EN1: variants seen among roughly 807,000 people sequenced by gnomAD.
EN1 encodes engrailed homeobox 1.
Under a neutral mutation model 22.9 loss-of-function variants are expected in EN1, and 8 were observed. That is an observed-to-expected ratio of 0.35 (90% CI 0.20 to 0.63). The LOEUF is 0.63. Among genes scored for constraint, EN1 ranks in the 20% least tolerant of loss-of-function variants. The probability of loss-of-function intolerance (pLI) is 0.73; values close to 1 mark genes in which losing one functional copy is unlikely to be tolerated. For missense variants in EN1, 521 were observed against 572.1 expected, an observed-to-expected ratio of 0.91 and a Z score of 0.91; for synonymous variants, 287 against 262.5, an observed-to-expected ratio of 1.09 and a Z score of -0.90.
chr2:118,846,684 G>A lies in EN1; in HGVS notation c.484C>T (p.Arg162Trp). 1.9e-6 allele frequency: 3 copies of A among 1,582,810 alleles called. No individual in the cohort carries two copies. The highest frequency in any genetic ancestry group is 2.6e-6 in the Non-Finnish European group (3 of 1,173,244). The stretch of plus-strand genomic sequence containing the variant: ...AGGAGCGAGGCAGCGCCTGGCGCCC[G>A]GGTGCCCAACGGGTGGACAGGGTCT... ...GRDPVHPLGT[R>W]APGAASLLCA... Residue 162 changes from arginine (R) to tryptophan (W), a missense_variant, in exon 1 of 2, where the codon CGG becomes TGG. Physicochemically the swap from Arg to Trp is moderately radical, Grantham distance 101. Coordinates refer to ENST00000295206, the MANE Select transcript of EN1 (RefSeq NM_001426.4). The surrounding 1 kb of genome is among the most constrained non-coding windows in gnomAD (Gnocchi z 5.0).
rs1462529040 is a variant in EN1 at position 118,847,203 on chromosome 2, C to A, written c.-36G>T. The A allele has an allele frequency of 1.6e-6, 1 of 639,296 alleles. No individual in the cohort carries two copies. The highest frequency in any genetic ancestry group is 2.4e-6 in the Non-Finnish European group (1 of 424,492). 39.6% of individuals were successfully genotyped at this position (639,296 alleles called of 1,614,324 possible). A position where few individuals can be genotyped will look rare whatever the true frequency, so the allele number is the denominator to read the frequency against. ...CCCGCCGCCCCGGCCGCCGCGCCGG[C>A]CCCCGCCCCCACCGCCTCGCTCCCC... On this transcript the variant is annotated 5_prime_UTR_variant, in exon 1 of 2. Coordinates refer to ENST00000295206, the MANE Select transcript of EN1 (RefSeq NM_001426.4).
At chr2:118,843,568 G>C (rs1215713626) in intron 1 of EN1, among the ~76,000 whole-genome samples, 1 of 152,212 alleles carries the variant, frequency 6.6e-6, no homozygotes, top group East Asian at 1.9e-4. Flanking sequence ...GTCAGGGACA[G>C]ACCGAAATCA....
Position 118,846,623 on chromosome 2 carries a change from C to T in EN1, c.545G>A (p.Gly182Asp). The change falls in exon 1 of 2, where the codon GGC becomes GAC. Residue 182 changes from glycine to aspartate, a missense_variant. By Grantham distance (94) the Gly-to-Asp change is moderately conservative. Transcript: ENST00000295206. This position sits in a 1 kb window ranked among gnomAD's most constrained non-coding sequence, Gnocchi z 5.0. The stretch of plus-strand genomic sequence containing the variant: ...CGCGCCGGCGGCGGCTGGCTGGGAG[C>T]CGTCGGGTGGGCCACAGTTCGCGTC... ...APDANCGPPD[G>D]SQPAAAGAGA... is the part of the protein sequence containing the mutation. 3.4e-6 allele frequency: 5 copies of T among 1,470,242 alleles called. No individual in the cohort carries two copies. The highest frequency in any genetic ancestry group is 4.5e-6 in the Non-Finnish European group (5 of 1,115,698). The allele number at this position is 1,470,242 out of a possible 1,614,324, so 91.1% of individuals were successfully genotyped here.
In EN1 at chr2:118,846,826, G is replaced by A; in HGVS notation, c.342C>T (p.Asp114=). 1 of 1,595,144 alleles carries A rather than the reference G, an allele frequency of 6.3e-7. No individual in the cohort carries two copies. The highest frequency in any genetic ancestry group is 1.7e-4 in the Middle Eastern group (1 of 6,036). ...NFFIDNILRP[D]FGCKKEQPPP... is the part of the protein sequence containing the mutation. ...GCGGCTGCTCCTTTTTGCAGCCGAA[G>A]TCCGGCCTCAGGATGTTGTCGATGA... The change falls in exon 1 of 2, where the codon GAC becomes GAT. Residue 114 remains aspartate (D), a synonymous_variant. Transcript: ENST00000295206. The surrounding 1 kb of genome is among the most constrained non-coding windows in gnomAD (Gnocchi z 5.0).
intron 1 of EN1, among the ~76,000 whole-genome samples, chr2:118,845,670 AC>A (rs1368246043): frequency 6.6e-6 from 1 of 152,054 alleles, no homozygotes; most frequent in Admixed American, 6.5e-5. Flanking sequence ...GCCAGCACCC[AC>A]CTTTTTGGCA....
At position 118,842,754 on chromosome 2, in the gene EN1, C is replaced by T. The variant is rs1386742465; in HGVS notation, c.*184G>A. 12 of 1,074,790 alleles carry T rather than the reference C, an allele frequency of 1.1e-5. No homozygotes were observed. The highest frequency in any genetic ancestry group is 1.4e-5 in the Non-Finnish European group (11 of 777,452). 66.6% of individuals were successfully genotyped at this position (1,074,790 alleles called of 1,614,324 possible). On this transcript the variant is annotated 3_prime_UTR_variant, in exon 2 of 2. Coordinates refer to ENST00000295206, the MANE Select transcript of EN1 (RefSeq NM_001426.4). Reference sequence around the variant, plus strand: ...CGATAGCACCTGTCCGAGTCTTTCTCCCTTTTCAAAAATGCTGCGTTTCAA... The same window carrying T: ...CGATAGCACCTGTCCGAGTCTTTCTTCCTTTTCAAAAATGCTGCGTTTCAA...
chr2:118,844,790 C>T (rs530200264), intron 1 of EN1, among the ~76,000 whole-genome samples: 12 of 152,232 alleles, frequency 7.9e-5, no homozygotes, highest in African/African-American at 2.9e-4. Context: ...CCCTCCTCCC[C>T]CAACTGCCCA....
chr2:118,847,209 C>G lies in EN1; in HGVS notation c.-42G>C. 1 of 596,828 alleles carries G rather than the reference C, an allele frequency of 1.7e-6. No homozygotes were observed. The highest frequency in any genetic ancestry group is 2.6e-6 in the Non-Finnish European group (1 of 386,024). 37.0% of individuals were successfully genotyped at this position (596,828 alleles called of 1,614,324 possible). A position where few individuals can be genotyped will look rare whatever the true frequency, so the allele number is the denominator to read the frequency against. ...GCCCCGGCCGCCGCGCCGGCCCCCG[C>G]CCCCACCGCCTCGCTCCCCACCCCA... On this transcript the variant is annotated 5_prime_UTR_variant, in exon 1 of 2. Transcript: ENST00000295206.
At position 118,846,488 on chromosome 2, in the gene EN1, C is replaced by T; in HGVS notation, c.680G>A (p.Gly227Asp). ...AAKPSDTGGG[G>D]SGGGAGSPGA... Reference sequence around the variant, plus strand: ...GGGGCTCCCCGCGCCGCCTCCACTGCCGCCGCCACCGGTGTCCGAGGGCTT... The same window carrying T: ...GGGGCTCCCCGCGCCGCCTCCACTGTCGCCGCCACCGGTGTCCGAGGGCTT... Residue 227 changes from glycine to aspartate, a missense_variant, in exon 1 of 2, where the codon GGC becomes GAC. Around this residue, in one of 3 missense-constraint regions of EN1, gnomAD observed 436 missense variants for 410.1 expected, o/e 1.06. Coordinates refer to ENST00000295206, the MANE Select transcript of EN1 (RefSeq NM_001426.4). The surrounding 1 kb of genome is among the most constrained non-coding windows in gnomAD (Gnocchi z 5.0). 6.3e-7 allele frequency: 1 copy of T among 1,580,444 alleles called. No individual in the cohort carries two copies. Among genetic ancestry groups the T allele is most frequent in the Non-Finnish European group, 8.6e-7 (1 of 1,166,034 alleles).
At chr2:118,845,516 C>A (rs1374022089) in intron 1 of EN1, among the ~76,000 whole-genome samples, 1 of 152,170 alleles carries the variant, frequency 6.6e-6, no homozygotes, top group Non-Finnish European at 1.5e-5. Flanking sequence ...AAGGAAAGCG[C>A]CGCGCGGGGA....
Position 118,846,996 on chromosome 2 carries a change from A to AG in EN1, c.171dup (p.Ser58LeufsTer88). ...GGCAGGCAAGGCGCCGCGGGCGGCG[A>AG]GGGGGGCGCAGGCTGCGGGGACACC... On this transcript the variant is annotated frameshift_variant, in exon 1 of 2. Coordinates refer to ENST00000295206, the MANE Select transcript of EN1 (RefSeq NM_001426.4). LOFTEE classifies it high-confidence loss of function. This position sits in a 1 kb window ranked among gnomAD's most constrained non-coding sequence, Gnocchi z 5.0. 7.4e-7 allele frequency: 1 copy of AG among 1,342,538 alleles called. No homozygotes were observed. Among genetic ancestry groups the AG allele is most frequent in the African/African-American group, 1.6e-5 (1 of 62,322 alleles). 83.2% of individuals were successfully genotyped at this position (1,342,538 alleles called of 1,614,324 possible). A position where few individuals can be genotyped will look rare whatever the true frequency, so the allele number is the denominator to read the frequency against.
In EN1 at chr2:118,842,297, G is replaced by A. The variant is rs1678200433; in HGVS notation, c.*641C>T. Reference sequence around the variant, plus strand: ...ATTTCTCAACAAGTCTCCGGAAAACGAAAGGGGGGCAGAACAGACAGACCG... The same window carrying A: ...ATTTCTCAACAAGTCTCCGGAAAACAAAAGGGGGGCAGAACAGACAGACCG... On this transcript the variant is annotated 3_prime_UTR_variant, in exon 2 of 2. Coordinates refer to ENST00000295206, the MANE Select transcript of EN1 (RefSeq NM_001426.4). 1.3e-5 allele frequency: 2 copies of A among 152,646 alleles called. No homozygotes were observed. Among genetic ancestry groups the A allele is most frequent in the African/African-American group, 4.8e-5 (2 of 41,426 alleles). The allele number at this position is 152,646 out of a possible 1,614,324, so 9.5% of individuals were successfully genotyped here. A position where few individuals can be genotyped will look rare whatever the true frequency, so the allele number is the denominator to read the frequency against.
At position 118,846,392 on chromosome 2, in the gene EN1, C is replaced by T. The variant is rs1414422698; in HGVS notation, c.776G>A (p.Gly259Glu). ...CTGCGAGTCAGTTTTGACCACGGGCCCGCCGTTGGCTGAGCCCATAAGTAG... is the reference window on the plus strand; with the variant it reads ...CTGCGAGTCAGTTTTGACCACGGGCTCGCCGTTGGCTGAGCCCATAAGTAG... ...AILLMGSANG[G>E]PVVKTDSQQP... The change falls in exon 1 of 2, where the codon GGG becomes GAG. Residue 259 changes from glycine to glutamate, a missense_variant. Transcript: ENST00000295206. This position sits in a 1 kb window ranked among gnomAD's most constrained non-coding sequence, Gnocchi z 5.0. 6.2e-7 allele frequency: 1 copy of T among 1,613,314 alleles called. No homozygotes were observed. Among genetic ancestry groups the T allele is most frequent in the Non-Finnish European group, 8.5e-7 (1 of 1,179,886 alleles).
In EN1 at chr2:118,842,869, A is replaced by G. The variant is rs373562729; in HGVS notation, c.*69T>C. Reference sequence around the variant, plus strand: ...CCTTGGAGCAGATGCTTTCTCCCCCAGCGAGGGGCCGGGAGACGACGGCGG... The same window carrying G: ...CCTTGGAGCAGATGCTTTCTCCCCCGGCGAGGGGCCGGGAGACGACGGCGG... On this transcript the variant is annotated 3_prime_UTR_variant, in exon 2 of 2. Transcript: ENST00000295206. The G allele has an allele frequency of 6.5e-7, 1 of 1,527,856 alleles. No homozygotes were observed. Among genetic ancestry groups the G allele is most frequent in the Admixed American group, 2.1e-5 (1 of 48,300 alleles). The allele number at this position is 1,527,856 out of a possible 1,614,324, so 94.6% of individuals were successfully genotyped here.
In EN1 at chr2:118,846,252, T is replaced by TG. The variant is rs990242803; in HGVS notation, c.862+53dup. The TG allele has an allele frequency of 5.7e-6, 9 of 1,576,246 alleles. No individual in the cohort carries two copies. The highest frequency in any genetic ancestry group is 7.7e-6 in the Non-Finnish European group (9 of 1,163,168). The stretch of plus-strand genomic sequence containing the variant: ...TCCCTAGCGCCGCAGCTTGGCGTTC[T>TG]GGGGCGGTCCGCGGGGCCAGAAGGC... On this transcript the variant is annotated intron_variant, in intron 1 of 1. Transcript: ENST00000295206. This position sits in a 1 kb window ranked among gnomAD's most constrained non-coding sequence, Gnocchi z 5.0.
At chr2:118,844,549 GC>G (rs1678239649) in intron 1 of EN1, among the ~76,000 whole-genome samples, 1 of 152,214 alleles carries the variant, frequency 6.6e-6, no homozygotes, top group Non-Finnish European at 1.5e-5. Context: ...GCTGGGTCCT[GC>G]CTTGGATATG....
In EN1 at chr2:118,843,109, C is replaced by T. The variant is rs549340318; in HGVS notation, c.1008G>A (p.Leu336=). ...ACTCGTTGAGGCTGAGTTCCTGGGCCAGGGTCTGCCGCCGCTGCTCCGTGA... is the reference window on the plus strand; with the variant it reads ...ACTCGTTGAGGCTGAGTTCCTGGGCTAGGGTCTGCCGCCGCTGCTCCGTGA... ...RYITEQRRQT[L]AQELSLNESQ... Residue 336 remains leucine, a synonymous_variant, in exon 2 of 2, where the codon CTG becomes CTA. Coordinates refer to ENST00000295206, the MANE Select transcript of EN1 (RefSeq NM_001426.4). The T allele has an allele frequency of 1.9e-6, 3 of 1,613,984 alleles. No homozygotes were observed. In the African/African-American group the frequency reaches 4.0e-5, roughly 22 times the overall value.
At position 118,847,417 on chromosome 2, in the gene EN1, G is replaced by A; in HGVS notation, c.-250C>T. On this transcript the variant is annotated 5_prime_UTR_variant, in exon 1 of 2. Coordinates refer to ENST00000295206, the MANE Select transcript of EN1 (RefSeq NM_001426.4). ...AGACATCCAGATATGGAGACACTTG[G>A]CTATTTCTTTTTTCTTTCTGCAACC... 3.0e-6 allele frequency: 1 copy of A among 333,586 alleles called. No individual in the cohort carries two copies. The allele number at this position is 333,586 out of a possible 1,614,324, so 20.7% of individuals were successfully genotyped here.
intron 1 of EN1, among the ~76,000 whole-genome samples, chr2:118,843,495 G>C (rs1347955130): frequency 6.6e-6 from 1 of 152,194 alleles, no homozygotes; most frequent in Non-Finnish European, 1.5e-5. Context: ...GAGGGCAAAG[G>C]AGCAGTGAAG....
Sources: allele counts gnomAD v4.1 joint callset (sites outside exome capture counted in the v4.1 genomes callset), GRCh38; gene constraint gnomAD v4.1.1; regional missense constraint gnomAD v4.1.1; non-coding constraint Gnocchi (gnomAD v3.1); transcripts MANE v1.5; gene names NCBI Gene and HGNC (gene_info 2026-07-23, HGNC 2026-07-21).